DCAF1: variants seen among roughly 807,000 people sequenced by gnomAD.
DCAF1 encodes the protein DDB1 and CUL4 associated factor 1, also known as DDB1- and CUL4-associated factor 1.
A neutral mutation model predicts 128.0 loss-of-function variants in DCAF1; 15 were observed. The ratio of observed to expected loss-of-function variants is 0.12; its 90% CI spans 0.08 to 0.18. DCAF1 has a LOEUF of 0.18. DCAF1 is among the 10% of genes least tolerant of loss of function. The probability of loss-of-function intolerance (pLI) is 1.00; values close to 1 mark genes in which losing one functional copy is unlikely to be tolerated. For missense variants in DCAF1, 988 were observed against 1,649.5 expected (o/e 0.60, Z 6.95); for synonymous variants, 610 against 603.0 (o/e 1.01, Z -0.17).
intron 6 of DCAF1, among the ~76,000 whole-genome samples, chr3:51,452,147 CCAAG>C (rs1553641654): frequency 6.6e-6 from 1 of 151,882 alleles, no homozygotes; most frequent in African/African-American, 2.4e-5. Context: ...CCTCCTGGGC[CCAAG>C]CAATCTTCCC....
At chr3:51,462,778 AAAC>A (rs1269486599) in intron 6 of DCAF1, among the ~76,000 whole-genome samples, 30 of 150,824 alleles carry the variant, frequency 2.0e-4, no homozygotes, top group Non-Finnish European at 3.1e-4. Context: ...TATAGCACCC[AAAC>A]AACAAGTATT....
chr3:51,502,966 C>A (rs529807298), upstream of DCAF1, among the ~76,000 whole-genome samples: 57 of 152,326 alleles, frequency 3.7e-4, no homozygotes, highest in Non-Finnish European at 6.9e-4. Flanking sequence ...GCATTAGGCA[C>A]CCAGTCCTCA....
At chr3:51,492,327 A>G (rs1322620377) in intron 2 of DCAF1, among the ~76,000 whole-genome samples, 2 of 151,976 alleles carry the variant, frequency 1.3e-5, no homozygotes, top group Non-Finnish European at 2.9e-5. Flanking sequence ...GAGTATGGCC[A>G]ACAAGTTGAA....
At chr3:51,491,681 T>C (rs188593917) in intron 2 of DCAF1, among the ~76,000 whole-genome samples, 2 of 152,162 alleles carry the variant, frequency 1.3e-5, no homozygotes, top group African/African-American at 2.4e-5. Context: ...ACCCCATCTC[T>C]ACTAAAATAC....
chr3:51,417,881 T>G (rs763428065), intron 17 of DCAF1, among the ~76,000 whole-genome samples: 1 of 151,894 alleles, frequency 6.6e-6, no homozygotes, highest in Non-Finnish European at 1.5e-5. Context: ...GGAAAATACA[T>G]AGATTCTGGG....
In DCAF1 at chr3:51,420,307, G is replaced by A; in HGVS notation, c.2663C>T (p.Thr888Ile). ...MTAASHSSAF[T>I]PVTAAASPVS... ...AGGAGAAGCAGCAGCAGTGACTGGG[G>A]TAAAGGCAGAAGAATGGGAGGCAGC... The change falls in exon 15 of 25, where the codon ACC becomes ATC. Residue 888 changes from threonine (T) to isoleucine (I), a missense_variant. Thr to Ile is a moderately conservative substitution (Grantham distance 89). Coordinates refer to ENST00000684031, the MANE Select transcript of DCAF1 (RefSeq NM_001387579.1). The surrounding 1 kb of genome is among the most constrained non-coding windows in gnomAD (Gnocchi z 6.5). 2 of 1,614,018 alleles carry A rather than the reference G, an allele frequency of 1.2e-6. No individual in the cohort carries two copies.
At position 51,414,789 on chromosome 3, in the gene DCAF1, C is replaced by G; in HGVS notation, c.3672G>C (p.Lys1224Asn). ...LFNPDLANNY[K>N]RNCATFNPTD... is the part of the protein sequence containing the mutation. ...TAGGATTAAAGGTGGCACAGTTCCT[C>G]TTGTAGTTGTTGGCAAGATCTGGGT... is the stretch of plus-strand genomic sequence containing the variant. The change falls in exon 19 of 25, where the codon AAG becomes AAC. Residue 1224 changes from lysine (K) to asparagine (N), a missense_variant. By Grantham distance (94) the Lys-to-Asn change is moderately conservative. Transcript: ENST00000684031. The G allele has an allele frequency of 6.2e-7, 1 of 1,614,010 alleles. No homozygotes were observed. The highest frequency in any genetic ancestry group is 8.5e-7 in the Non-Finnish European group (1 of 1,179,902).
chr3:51,418,018 C>T (rs1553630993), intron 17 of DCAF1, 98 bp downstream of exon 17: 2 of 1,453,612 alleles, frequency 1.4e-6, no homozygotes, highest in Non-Finnish European at 1.8e-6. Flanking sequence ...CCGACAGCAT[C>T]CTCTTTCCCC....
At chr3:51,396,452 G>A (rs1345395813), downstream of DCAF1, 1 of 167,154 alleles carries the variant, frequency 6.0e-6, no homozygotes, top group Non-Finnish European at 1.5e-5. Context: ...GTTAGGGGAG[G>A]TCAGGTGGTC....
At chr3:51,443,114 G>A (rs1553639338) in intron 7 of DCAF1, among the ~76,000 whole-genome samples, 2 of 152,080 alleles carry the variant, frequency 1.3e-5, no homozygotes, top group Non-Finnish European at 2.9e-5. Flanking sequence ...AGGGCAGATG[G>A]ATGGATATTA....
intron 12 of DCAF1, among the ~76,000 whole-genome samples, chr3:51,428,412 A>G (rs1293761289): frequency 6.8e-6 from 1 of 147,978 alleles, no homozygotes; most frequent in Non-Finnish European, 1.5e-5. Flanking sequence ...GCAGTCTTGA[A>G]CTCCTGGGTT....
chr3:51,445,831 T>G (rs1194234547), intron 6 of DCAF1, among the ~76,000 whole-genome samples: 1 of 152,176 alleles, frequency 6.6e-6, no homozygotes, highest in African/African-American at 2.4e-5. Flanking sequence ...ACACTACCAC[T>G]ATCAGTCTGA....
chr3:51,502,790 G>A (rs1708851036), upstream of DCAF1, among the ~76,000 whole-genome samples: 2 of 151,824 alleles, frequency 1.3e-5, no homozygotes, highest in Admixed American at 1.3e-4. Flanking sequence ...TCCCCAACAT[G>A]CACATAGCCA....
chr3:51,406,171 G>A (rs951460046), intron 23 of DCAF1, among the ~76,000 whole-genome samples: 19 of 151,472 alleles, frequency 1.3e-4, no homozygotes, highest in African/African-American at 3.9e-4. Flanking sequence ...GTGAAACCCC[G>A]TCTCTATTAA....
At chr3:51,415,900 A>G (rs1698837744) in intron 18 of DCAF1, among the ~76,000 whole-genome samples, 1 of 152,120 alleles carries the variant, frequency 6.6e-6, no homozygotes, top group Admixed American at 6.6e-5. Flanking sequence ...CAACTTTTGT[A>G]TTCAATCCCC....
intron 6 of DCAF1, among the ~76,000 whole-genome samples, chr3:51,448,875 G>C (rs544795008): frequency 6.6e-6 from 1 of 151,896 alleles, no homozygotes; most frequent in East Asian, 1.9e-4. Flanking sequence ...AGATTACACA[G>C]TCTTCTCAAG....
At chr3:51,421,977 A>C (rs891200254) in intron 14 of DCAF1, among the ~76,000 whole-genome samples, 7 of 151,908 alleles carry the variant, frequency 4.6e-5, no homozygotes, top group African/African-American at 1.7e-4. Flanking sequence ...TTAGTGCAAG[A>C]CTCTTCAGAG....
intron 4 of DCAF1, among the ~76,000 whole-genome samples, chr3:51,467,719 A>G (rs1553647018): frequency 1.3e-5 from 2 of 152,210 alleles, no homozygotes; most frequent in Admixed American, 1.3e-4. Context: ...ACTGCTCTCT[A>G]GCCTTCCCAT....
At chr3:51,452,377 A>T (rs189893971) in intron 6 of DCAF1, among the ~76,000 whole-genome samples, 24 of 152,268 alleles carry the variant, frequency 1.6e-4, no homozygotes, top group Non-Finnish European at 2.8e-4. Flanking sequence ...TTGATTTATT[A>T]AAAAAAGCTG....
Sources: allele counts gnomAD v4.1 joint callset (sites outside exome capture counted in the v4.1 genomes callset), GRCh38; gene constraint gnomAD v4.1.1; non-coding constraint Gnocchi (gnomAD v3.1); transcripts MANE v1.5; gene names NCBI Gene and HGNC (gene_info 2026-07-23, HGNC 2026-07-21).